The following PSTPIP2 variants were observed in gnomAD, a reference collection of about 807,000 sequenced individuals.
The protein encoded by PSTPIP2 is proline-serine-threonine phosphatase interacting protein 2.
PSTPIP2 carries 33 observed loss-of-function variants against 63.3 expected under a neutral mutation model. That is an observed-to-expected ratio of 0.52 (90% CI 0.40 to 0.70). The LOEUF (loss-of-function observed/expected upper bound fraction) is 0.70. Ranked by LOEUF, PSTPIP2 falls within the 30% of genes least tolerant of loss-of-function variation. The probability of loss-of-function intolerance (pLI) is 0.00; values close to 1 mark genes in which losing one functional copy is unlikely to be tolerated. For synonymous variants in PSTPIP2, 125 were observed against 132.7 expected (o/e 0.94, Z 0.40); for missense variants, 312 against 400.7 (o/e 0.78, Z 1.89).
At chr18:46,026,047 A>C (rs745644988) in intron 2 of PSTPIP2, among the ~76,000 whole-genome samples, 13 of 152,234 alleles carry the variant, frequency 8.5e-5, no homozygotes, top group Non-Finnish European at 1.8e-4. Flanking sequence ...GAGCCACCAC[A>C]CCCAGCTTGA....
chr18:46,006,395 A>C (rs2051727962), intron 5 of PSTPIP2, among the ~76,000 whole-genome samples: 1 of 114,500 alleles, frequency 8.7e-6, no homozygotes. Context: ...TTTCTGAGAC[A>C]GAGTTTGCTC....
intron 2 of PSTPIP2, among the ~76,000 whole-genome samples, chr18:46,038,126 T>C (rs953276294): frequency 2.0e-5 from 3 of 152,136 alleles, no homozygotes; most frequent in Non-Finnish European, 4.4e-5. Flanking sequence ...AGTGGTGCAA[T>C]CAGAGCTCAC....
intron 12 of PSTPIP2, 63 bp downstream of exon 12, chr18:45,991,839 C>G: frequency 6.9e-7 from 1 of 1,441,230 alleles, no homozygotes; most frequent in Non-Finnish European, 9.6e-7. Context: ...TGTCTTAGAA[C>G]ATTCATGATA....
intron 2 of PSTPIP2, among the ~76,000 whole-genome samples, chr18:46,034,863 T>A (rs1907909093): frequency 6.6e-6 from 1 of 152,222 alleles, no homozygotes; most frequent in Non-Finnish European, 1.5e-5. Flanking sequence ...GTAGCTTGCA[T>A]AGAGTAAGCC....
intron 2 of PSTPIP2, chr18:46,028,726 T>C: frequency 1.1e-6 from 1 of 924,090 alleles, no homozygotes; most frequent in Admixed American, 1.7e-5. Context: ...AAGTAAACTT[T>C]AGAAAGACAA....
intron 1 of PSTPIP2, among the ~76,000 whole-genome samples, chr18:46,057,920 C>G (rs1453450838): frequency 3.3e-5 from 5 of 149,564 alleles, no homozygotes; most frequent in Non-Finnish European, 7.4e-5. Flanking sequence ...ATGGCGTGAA[C>G]CCGGGAGGCG....
chr18:46,004,012 T>G (rs919021738), intron 6 of PSTPIP2, among the ~76,000 whole-genome samples: 1 of 151,974 alleles, frequency 6.6e-6, no homozygotes, highest in African/African-American at 2.4e-5. Flanking sequence ...GTGATCCACC[T>G]GCCTCGGCCT....
At chr18:46,033,315 A>C (rs1485067671) in intron 2 of PSTPIP2, among the ~76,000 whole-genome samples, 1 of 152,180 alleles carries the variant, frequency 6.6e-6, no homozygotes, top group Admixed American at 6.5e-5. Context: ...CCTTATTTGG[A>C]AATAGGGTCA....
chr18:46,027,979 G>A (rs1405377792), intron 2 of PSTPIP2, among the ~76,000 whole-genome samples: 1 of 152,134 alleles, frequency 6.6e-6, no homozygotes, highest in Non-Finnish European at 1.5e-5. Flanking sequence ...TGGCCAACAT[G>A]GTGAAACCCC....
At chr18:45,988,599 C>T (rs1466542195) in intron 14 of PSTPIP2, 103 bp downstream of exon 14, 6 of 987,736 alleles carry the variant, frequency 6.1e-6, no homozygotes, top group Non-Finnish European at 9.5e-6. Flanking sequence ...TCATGCAAGG[C>T]CTTGCTAGTT....
chr18:45,987,116 G>T (rs1331638705), intron 14 of PSTPIP2, among the ~76,000 whole-genome samples: 1 of 152,224 alleles, frequency 6.6e-6, no homozygotes, highest in Non-Finnish European at 1.5e-5. Flanking sequence ...TGGGATTACA[G>T]GCGTGAGCCA....
At chr18:46,020,423 G>A (rs1306494750) in intron 3 of PSTPIP2, among the ~76,000 whole-genome samples, 1 of 152,166 alleles carries the variant, frequency 6.6e-6, no homozygotes, top group Non-Finnish European at 1.5e-5. Context: ...GGGAGGCTGA[G>A]GCAGGTGGAT....
chr18:45,987,520 C>T (rs1217489729), intron 14 of PSTPIP2, among the ~76,000 whole-genome samples: 2 of 103,740 alleles, frequency 1.9e-5, no homozygotes, highest in African/African-American at 8.9e-5. Flanking sequence ...ACACTGAGAT[C>T]AGGAATATGT....
At chr18:46,001,862 C>A (rs1427350989) in intron 6 of PSTPIP2, among the ~76,000 whole-genome samples, 1 of 152,032 alleles carries the variant, frequency 6.6e-6, no homozygotes, top group Non-Finnish European at 1.5e-5. Flanking sequence ...GGCATCCATC[C>A]CCTCAAGCAT....
chr18:46,048,429 C>G (rs554484103), intron 1 of PSTPIP2, among the ~76,000 whole-genome samples: 10 of 152,174 alleles, frequency 6.6e-5, no homozygotes, highest in Non-Finnish European at 1.3e-4. Flanking sequence ...AAGCATAAGT[C>G]GGTGGTAATT....
intron 1 of PSTPIP2, among the ~76,000 whole-genome samples, chr18:46,053,528 C>T (rs1908650550): frequency 6.6e-6 from 1 of 152,130 alleles, no homozygotes; most frequent in Admixed American, 6.5e-5. Flanking sequence ...CATGAGTTTT[C>T]AGCACAGCAG....
intron 2 of PSTPIP2, 142 bp downstream of exon 2, chr18:46,039,804 CT>C (rs1908123458): frequency 1.4e-6 from 1 of 699,788 alleles, no homozygotes; most frequent in Non-Finnish European, 2.5e-6. Flanking sequence ...GTATCATGTA[CT>C]TCTCAGGTAT....
intron 2 of PSTPIP2, among the ~76,000 whole-genome samples, chr18:46,032,361 C>T (rs577777447): frequency 7.2e-5 from 11 of 152,262 alleles, no homozygotes; most frequent in Non-Finnish European, 1.3e-4. Context: ...TAGCTGGCTA[C>T]GCTTCACAAA....
intron 14 of PSTPIP2, among the ~76,000 whole-genome samples, chr18:45,988,297 T>C (rs75128271): frequency 1.1e-3 from 165 of 151,116 alleles, no homozygotes; most frequent in Non-Finnish European, 1.8e-3. Context: ...TAGCTGGGTG[T>C]GGTGGTGCAT....
Sources: allele counts gnomAD v4.1 joint callset (sites outside exome capture counted in the v4.1 genomes callset), GRCh38; gene constraint gnomAD v4.1.1; transcripts MANE v1.5; gene names NCBI Gene and HGNC (gene_info 2026-07-23, HGNC 2026-07-21).